The following MRAP2 variants were observed in gnomAD, a reference collection of about 807,000 sequenced individuals.
The protein encoded by MRAP2 is melanocortin-2 receptor accessory protein 2.
MRAP2 carries 20 observed loss-of-function variants against 17.4 expected under a neutral mutation model. That is an observed-to-expected ratio of 1.15 (90% CI 0.81 to 1.67). The LOEUF (loss-of-function observed/expected upper bound fraction) is 1.67. Among genes scored for constraint, MRAP2 ranks in the 40% most tolerant of loss-of-function variants. MRAP2 has a pLI of 0.00. For synonymous variants in MRAP2, 96 were observed against 88.4 expected (o/e 1.09, Z -0.48); for missense variants, 238 against 240.0 (o/e 0.99, Z 0.05).
At chr6:84,083,860 C>T (rs150821544) in intron 3 of MRAP2, among the ~76,000 whole-genome samples, 1 of 152,046 alleles carries the variant, frequency 6.6e-6, no homozygotes, top group African/African-American at 2.4e-5. Flanking sequence ...TACATAGAAG[C>T]AGATTCTCTC....
At chr6:84,131,336 G>A in the MRAP2 span, among the ~76,000 whole-genome samples, 1 of 152,192 alleles carries the variant, frequency 6.6e-6, no homozygotes, top group Non-Finnish European at 1.5e-5. Context: ...ATTTGGGGTG[G>A]AGAGTTCTGT....
intron 2 of MRAP2, among the ~76,000 whole-genome samples, chr6:84,058,352 T>C (rs2099492205): frequency 6.6e-6 from 1 of 152,216 alleles, no homozygotes; most frequent in African/African-American, 2.4e-5. Flanking sequence ...GATTTGTCAA[T>C]GGATTGGCGG....
Position 84,063,038 on chromosome 6 carries a change from C to G in MRAP2, c.227+46C>G, listed in dbSNP as rs192522371. On this transcript the variant is annotated intron_variant, in intron 3 of 3. Transcript: ENST00000257776. ...AATGTCTCTTAAGCCTCACAGGAGA[C>G]TGAGGAAATAGAAACTACTACCCAG... The G allele has an allele frequency of 5.9e-5, 95 of 1,612,810 alleles. No individual in the cohort carries two copies. The highest frequency in any genetic ancestry group is 2.0e-4 in the Admixed American group (12 of 59,934).
At chr6:84,079,967 G>T (rs1233650479) in intron 3 of MRAP2, among the ~76,000 whole-genome samples, 1 of 151,930 alleles carries the variant, frequency 6.6e-6, no homozygotes, top group Non-Finnish European at 1.5e-5. Flanking sequence ...TTATTAACAG[G>T]CACTCATGCA....
chr6:84,064,531 A>T, intron 3 of MRAP2, among the ~76,000 whole-genome samples: 1 of 152,002 alleles, frequency 6.6e-6, no homozygotes. Context: ...TCTGTCACCC[A>T]GGCTGGAGTG....
intron 1 of MRAP2, among the ~76,000 whole-genome samples, chr6:84,044,414 C>A (rs1220184407): frequency 6.6e-6 from 1 of 152,168 alleles, no homozygotes; most frequent in Non-Finnish European, 1.5e-5. Context: ...CTTGAACTCC[C>A]GACCTCAGGT....
At chr6:84,105,246 T>G in the MRAP2 span, among the ~76,000 whole-genome samples, 1 of 152,182 alleles carries the variant, frequency 6.6e-6, no homozygotes, top group Non-Finnish European at 1.5e-5. Context: ...ACTAATTTAT[T>G]GTATTCTGTT....
chr6:84,125,146 A>G, the MRAP2 span: 6 of 1,613,460 alleles, frequency 3.7e-6, no homozygotes, highest in Admixed American at 1.0e-4. Context: ...CTCTCGGAGA[A>G]CATCTAATAT....
chr6:84,128,481 G>A, the MRAP2 span, among the ~76,000 whole-genome samples: 1 of 152,080 alleles, frequency 6.6e-6, no homozygotes, highest in South Asian at 2.1e-4. Flanking sequence ...ATTAATAAGA[G>A]CCTGAGACCT....
Position 84,089,082 on chromosome 6 carries a change from T to C in MRAP2, c.228-9T>C. On this transcript the variant is annotated splice_polypyrimidine_tract_variant and intron_variant, in intron 3 of 3. Transcript: ENST00000257776. The stretch of plus-strand genomic sequence containing the variant: ...TGTAAGCAGTCTTTTATTTTCTTTT[T>C]TTAAATAGCAATGCAGAGTCCTCAG... 1 of 1,591,326 alleles carries C rather than the reference T, an allele frequency of 6.3e-7. No individual in the cohort carries two copies. The highest frequency in any genetic ancestry group is 8.5e-7 in the Non-Finnish European group (1 of 1,170,910).
intron 1 of MRAP2, among the ~76,000 whole-genome samples, chr6:84,053,817 AC>A (rs2099491048): frequency 6.6e-6 from 1 of 152,152 alleles, no homozygotes; most frequent in African/African-American, 2.4e-5. Context: ...GGATTGGCAA[AC>A]TTTTTCTATA....
the MRAP2 span, among the ~76,000 whole-genome samples, chr6:84,099,181 C>CTTT: frequency 4.9e-4 from 57 of 117,406 alleles, no homozygotes; most frequent in Middle Eastern, 0.01. Context: ...AGATCCTTTT[C>CTTT]TTTTTTTTTT....
intron 1 of MRAP2, among the ~76,000 whole-genome samples, chr6:84,041,545 G>A (rs921307710): frequency 6.6e-6 from 1 of 152,260 alleles, no homozygotes; most frequent in African/African-American, 2.4e-5. Flanking sequence ...AAGGCGCCAG[G>A]AGGGGGCTGT....
the MRAP2 span, among the ~76,000 whole-genome samples, chr6:84,110,051 G>A: frequency 3.9e-5 from 6 of 152,108 alleles, no homozygotes; most frequent in Admixed American, 6.5e-5. Flanking sequence ...GAACAGTGCC[G>A]CAATAAACAT....
At chr6:84,106,439 C>G in the MRAP2 span, among the ~76,000 whole-genome samples, 1 of 152,100 alleles carries the variant, frequency 6.6e-6, no homozygotes, top group African/African-American at 2.4e-5. Context: ...GACTGATAAC[C>G]CCTGAGGATG....
At chr6:84,049,124 C>T (rs931942166) in intron 1 of MRAP2, among the ~76,000 whole-genome samples, 2 of 152,254 alleles carry the variant, frequency 1.3e-5, no homozygotes, top group Non-Finnish European at 1.5e-5. Flanking sequence ...AGGAAACACT[C>T]ACTTTAAAAA....
At chr6:84,058,680 C>T (rs929392937) in intron 2 of MRAP2, among the ~76,000 whole-genome samples, 2 of 151,834 alleles carry the variant, frequency 1.3e-5, no homozygotes, top group Non-Finnish European at 2.9e-5. Flanking sequence ...GCCCTGGGCA[C>T]GCTTGTGTTT....
chr6:84,072,330 T>A (rs552774103), intron 3 of MRAP2, among the ~76,000 whole-genome samples: 113 of 152,116 alleles, frequency 7.4e-4, no homozygotes, highest in Non-Finnish European at 1.5e-3. Flanking sequence ...TGAACTGCAG[T>A]GATTGTTGTC....
intron 1 of MRAP2, among the ~76,000 whole-genome samples, chr6:84,034,422 C>T (rs2129154618): frequency 6.6e-6 from 1 of 152,210 alleles, no homozygotes; most frequent in African/African-American, 2.4e-5. Context: ...AGCCTGCTCG[C>T]AGGTCGTGTT....
Sources: allele counts gnomAD v4.1 joint callset (sites outside exome capture counted in the v4.1 genomes callset), GRCh38; gene constraint gnomAD v4.1.1; transcripts MANE v1.5; gene names NCBI Gene and HGNC (gene_info 2026-07-23, HGNC 2026-07-21).